DCAF10: variants seen among roughly 807,000 people sequenced by gnomAD.
The protein encoded by DCAF10 is DDB1- and CUL4-associated factor 10.
DCAF10 carries 19 observed loss-of-function variants against 51.9 expected under a neutral mutation model. The ratio of observed to expected loss-of-function variants is 0.37; its 90% CI spans 0.26 to 0.54. The LOEUF is 0.54. Among genes scored for constraint, DCAF10 ranks in the 20% least tolerant of loss-of-function variants. The pLI is 0.87. For synonymous variants in DCAF10, 291 were observed against 297.1 expected, an observed-to-expected ratio of 0.98 and a Z score of 0.21; for missense variants, 510 against 730.6, an observed-to-expected ratio of 0.70 and a Z score of 3.48.
At chr9:37,850,827 TATATA>T (rs1192677222) in intron 3 of DCAF10, among the ~76,000 whole-genome samples, 4 of 66,080 alleles carry the variant, frequency 6.1e-5, no homozygotes, top group Admixed American at 1.7e-4. Context: ...GGATATATTT[TATATA>T]TATATATATA....
chr9:37,860,282 CAG>C, intron 6 of DCAF10, 89 bp downstream of exon 6: 1 of 1,525,136 alleles, frequency 6.6e-7, no homozygotes, highest in Non-Finnish European at 8.9e-7. Flanking sequence ...TCGCTGACTG[CAG>C]TCTCTGCCTT....
At chr9:37,816,660 GT>G (rs779306443) in intron 1 of DCAF10, among the ~76,000 whole-genome samples, 15 of 79,048 alleles carry the variant, frequency 1.9e-4, no homozygotes, top group Non-Finnish European at 3.1e-4. Flanking sequence ...TGCACCTGGG[GT>G]GTGTGTGTGT....
chr9:37,850,228 CA>C (rs1261811676), intron 3 of DCAF10, among the ~76,000 whole-genome samples: 1 of 152,128 alleles, frequency 6.6e-6, no homozygotes, highest in Admixed American at 6.6e-5. Flanking sequence ...GGAGGTTCCT[CA>C]AAAACTTAAA....
At chr9:37,826,185 G>A (rs1428878879) in intron 2 of DCAF10, among the ~76,000 whole-genome samples, 1 of 151,816 alleles carries the variant, frequency 6.6e-6, no homozygotes, top group Non-Finnish European at 1.5e-5. Context: ...ATATACAAGG[G>A]ACTCCTGCAA....
At chr9:37,802,249 A>C (rs911378592) in intron 1 of DCAF10, among the ~76,000 whole-genome samples, 2 of 152,242 alleles carry the variant, frequency 1.3e-5, no homozygotes, top group African/African-American at 4.8e-5. Context: ...GCTGAGCAAA[A>C]CCAGCTAATG....
intron 3 of DCAF10, among the ~76,000 whole-genome samples, chr9:37,843,879 TAAAAC>T (rs1589105677): frequency 6.6e-6 from 1 of 152,080 alleles, no homozygotes; most frequent in Non-Finnish European, 1.5e-5. Flanking sequence ...AGATTAAAAA[TAAAAC>T]AGAACTGTAT....
rs60046914 is a variant in DCAF10, at chr9:37,809,093, G to GAAA, written c.539+7701_539+7703dup. 2.2e-4 allele frequency among the ~76,000 whole-genome samples: 22 copies of GAAA among 97,924 alleles called. 1 individual carries two copies. The highest frequency in any genetic ancestry group is 6.3e-4 in the East Asian group (2 of 3,188). The allele number at this position is 97,924 out of a possible 152,430, so 64.2% of individuals were successfully genotyped here. A position where few individuals can be genotyped will look rare whatever the true frequency, so the allele number is the denominator to read the frequency against. ...TGACAGAATGAGACTCTGTCTCAAA[G>GAAA]AAAAAAAAAAAAAAAGATAACTAGA... On this transcript the variant is annotated intron_variant, in intron 1 of 6. Transcript: ENST00000377724.
chr9:37,834,053 C>T lies in DCAF10; in HGVS notation c.654-8036C>T, dbSNP rs58533787. Among the ~76,000 whole-genome samples the T allele has an allele frequency of 1.8e-4, 27 of 152,292 alleles. No homozygotes were observed. The East Asian group carries it at 4.2e-3, about 24-fold the overall frequency. On this transcript the variant is annotated intron_variant, in intron 2 of 6. Coordinates refer to ENST00000377724, the MANE Select transcript of DCAF10 (RefSeq NM_024345.5). Reference sequence around the variant, plus strand: ...CCCGCCAGCTCAAGCGATTCTCCTGCGTCAGCCTCCCGAGTAGCTGATATT... The same window carrying T: ...CCCGCCAGCTCAAGCGATTCTCCTGTGTCAGCCTCCCGAGTAGCTGATATT...
intron 1 of DCAF10, among the ~76,000 whole-genome samples, chr9:37,810,222 T>C (rs907730834): frequency 4.6e-5 from 7 of 151,862 alleles, no homozygotes; most frequent in African/African-American, 1.7e-4. Flanking sequence ...AACTTCCAAC[T>C]GAGAATAATC....
intron 2 of DCAF10, among the ~76,000 whole-genome samples, chr9:37,821,104 T>TATATATATAC (rs61079738): frequency 3.0e-5 from 4 of 132,390 alleles, no homozygotes; most frequent in Admixed American, 1.5e-4. Flanking sequence ...TATATATATA[T>TATATATATAC]ACACACACAC....
At chr9:37,822,253 A>G (rs1163415969) in intron 2 of DCAF10, among the ~76,000 whole-genome samples, 1 of 152,116 alleles carries the variant, frequency 6.6e-6, no homozygotes, top group Admixed American at 6.5e-5. Context: ...TGATCCAGCA[A>G]TTCCACTACT....
intron 1 of DCAF10, among the ~76,000 whole-genome samples, chr9:37,815,380 C>T (rs7848867): frequency 6.6e-6 from 1 of 152,120 alleles, no homozygotes; most frequent in Non-Finnish European, 1.5e-5. Flanking sequence ...CATGGTGGCT[C>T]ACGCCTGTAA....
At chr9:37,838,772 T>C (rs1259519906) in intron 2 of DCAF10, among the ~76,000 whole-genome samples, 2 of 151,448 alleles carry the variant, frequency 1.3e-5, no homozygotes, top group Non-Finnish European at 2.9e-5. Context: ...GCACCTGTAA[T>C]CCCAGCTACT....
At chr9:37,848,475 T>C (rs988936559) in intron 3 of DCAF10, among the ~76,000 whole-genome samples, 1 of 152,248 alleles carries the variant, frequency 6.6e-6, no homozygotes, top group African/African-American at 2.4e-5. Flanking sequence ...TGCAAAAGAC[T>C]ACTTACTGTA....
intron 1 of DCAF10, among the ~76,000 whole-genome samples, chr9:37,803,238 G>T (rs1235155887): frequency 6.6e-6 from 1 of 152,060 alleles, no homozygotes; most frequent in Non-Finnish European, 1.5e-5. Flanking sequence ...AGATTAAATG[G>T]ATATCTAAGG....
intron 1 of DCAF10, among the ~76,000 whole-genome samples, chr9:37,810,663 T>C (rs1829314938): frequency 6.6e-6 from 1 of 152,160 alleles, no homozygotes; most frequent in Non-Finnish European, 1.5e-5. Flanking sequence ...GCTTTCTCCA[T>C]GTTGGTCAGG....
intron 4 of DCAF10, among the ~76,000 whole-genome samples, chr9:37,855,865 A>G (rs549202934): frequency 6.6e-6 from 1 of 152,126 alleles, no homozygotes; most frequent in African/African-American, 2.4e-5. Flanking sequence ...TAACTTAAAA[A>G]TTTAGCCAGG....
chr9:37,811,141 G>C (rs1829333045), intron 1 of DCAF10, among the ~76,000 whole-genome samples: 1 of 152,084 alleles, frequency 6.6e-6, no homozygotes, highest in Admixed American at 6.6e-5. Flanking sequence ...ACCAGTCTGA[G>C]CAACATAGTG....
chr9:37,817,403 G>A (rs1829573637), intron 1 of DCAF10, among the ~76,000 whole-genome samples: 1 of 152,144 alleles, frequency 6.6e-6, no homozygotes, highest in South Asian at 2.1e-4. Context: ...TTTGAGACCA[G>A]CCAGGGCAAC....
Sources: gnomAD v4.1 joint callset for allele counts (sites outside exome capture counted in the v4.1 genomes callset) on GRCh38, gnomAD v4.1.1 for gene constraint, MANE v1.5 for transcripts, NCBI Gene and HGNC (gene_info 2026-07-23, HGNC 2026-07-21) for gene names.